RP1: variants seen among roughly 807,000 people sequenced by gnomAD.
The protein encoded by RP1 is oxygen-regulated protein 1.
A neutral mutation model predicts 14.8 loss-of-function variants in RP1; 16 were observed. The ratio of observed to expected loss-of-function variants is 1.08; its 90% CI spans 0.73 to 1.65. RP1 has a LOEUF of 1.65. Among genes scored for constraint, RP1 ranks in the 40% most tolerant of loss-of-function variants. RP1 has a pLI of 0.00. For synonymous variants in RP1, 876 were observed against 883.6 expected (o/e 0.99, Z 0.15); for missense variants, 2,631 against 2,535.0 (o/e 1.04, Z -0.81).
intron 19 of RP1, among the ~76,000 whole-genome samples, chr8:54,740,926 G>T: frequency 6.7e-6 from 1 of 149,854 alleles, no homozygotes; most frequent in East Asian, 2.0e-4. Context: ...GTCCCAGCTA[G>T]TCGGGAGGCT....
At chr8:54,778,784 C>T (rs150483459) in intron 23 of RP1, among the ~76,000 whole-genome samples, 3,391 of 152,054 alleles carry the variant, frequency 0.022, 52 homozygotes, top group Non-Finnish European at 0.035. Context: ...AAGGGAAGGT[C>T]GCTGTGTGAG....
At position 54,783,650 on chromosome 8, in the gene RP1, T is replaced by C. The variant is rs1398960049; in HGVS notation, c.3555T>C (p.Pro1185=). 3 of 1,231,236 alleles carry C rather than the reference T, an allele frequency of 2.4e-6. No individual in the cohort carries two copies. The African/African-American group carries it at 4.7e-5, about 19-fold the overall frequency. The allele number at this position is 1,231,236 out of a possible 1,614,324, so 76.3% of individuals were successfully genotyped here. Residue 1185 remains proline, a synonymous_variant, in exon 24 of 29, where the codon CCT becomes CCC. Transcript: ENST00000637698. ...ATGGAGAAACAAAATGTTCAGGTCC[T>C]ATTATTTTGGGATCTGGGAAACACC...
chr8:54,720,136 G>A, exon 16 of RP1: 1 of 1,533,552 alleles, frequency 6.5e-7, no homozygotes, highest in Non-Finnish European at 8.7e-7. Flanking sequence ...TAGGGTACAG[G>A]AGATGTTGAC....
intron 4 of RP1, chr8:54,652,750 AT>A: frequency 6.8e-7 from 1 of 1,478,844 alleles, no homozygotes; most frequent in East Asian, 2.5e-5. Flanking sequence ...GTGAAATTAC[AT>A]TGAAAGTTGT....
At chr8:54,563,310 T>C (rs189603333) in intron 1 of RP1, among the ~76,000 whole-genome samples, 1 of 152,316 alleles carries the variant, frequency 6.6e-6, no homozygotes, top group African/African-American at 2.4e-5. Context: ...CTCACTCTGT[T>C]ATGGGCTCCT....
intron 25 of RP1, among the ~76,000 whole-genome samples, chr8:54,852,219 T>A (rs1184386946): frequency 6.6e-6 from 1 of 152,136 alleles, no homozygotes; most frequent in African/African-American, 2.4e-5. Flanking sequence ...CAGCCAGACT[T>A]TAGGGGGAAA....
At chr8:54,782,253 C>T (rs1379945517) in intron 23 of RP1, among the ~76,000 whole-genome samples, 3 of 152,156 alleles carry the variant, frequency 2.0e-5, no homozygotes, top group Non-Finnish European at 4.4e-5. Context: ...TTGAGTTCTG[C>T]TGCCCCTTTG....
At chr8:54,791,361 T>G (rs1373400863) in intron 24 of RP1, among the ~76,000 whole-genome samples, 1 of 152,078 alleles carries the variant, frequency 6.6e-6, no homozygotes, top group Non-Finnish European at 1.5e-5. Context: ...CAAGTTGAAA[T>G]GAAAAGACAC....
downstream of RP1, among the ~76,000 whole-genome samples, chr8:54,772,368 A>C (rs1313169720): frequency 6.6e-6 from 1 of 151,960 alleles, no homozygotes; most frequent in Non-Finnish European, 1.5e-5. Flanking sequence ...ATATAATAAA[A>C]AATAAGTTTA....
intron 12 of RP1, among the ~76,000 whole-genome samples, chr8:54,687,958 T>A (rs1179128220): frequency 6.6e-6 from 1 of 152,172 alleles, no homozygotes; most frequent in Non-Finnish European, 1.5e-5. Context: ...TTTCTCCACA[T>A]CCCCTCCAGC....
chr8:54,677,123 G>T (rs1315140684), intron 8 of RP1, among the ~76,000 whole-genome samples: 2 of 151,256 alleles, frequency 1.3e-5, no homozygotes, highest in Non-Finnish European at 2.9e-5. Flanking sequence ...TTTGCCTGTG[G>T]CTATTCTGGT....
Position 54,826,511 on chromosome 8 carries a change from C to T in RP1, c.3616-10939C>T, listed in dbSNP as rs373654978. Reference sequence around the variant, plus strand: ...AGTTGTTTCAGTTTTTAGAGAATAACCATTATAAAGAATTTCTGTCATCAA... The same window carrying T: ...AGTTGTTTCAGTTTTTAGAGAATAATCATTATAAAGAATTTCTGTCATCAA... On this transcript the variant is annotated intron_variant, in intron 24 of 28. Coordinates refer to the RP1 transcript ENST00000637698. Among the ~76,000 whole-genome samples, 63 of 152,240 alleles carry T rather than the reference C, an allele frequency of 4.1e-4. 1 individual carries two copies. The South Asian group carries it at 0.01, about 25-fold the overall frequency.
At chr8:54,757,767 C>T (rs1809545111) in intron 21 of RP1, among the ~76,000 whole-genome samples, 1 of 152,226 alleles carries the variant, frequency 6.6e-6, no homozygotes, top group East Asian at 1.9e-4. Flanking sequence ...TGGGGCATCA[C>T]TTGCATTTGC....
chr8:54,679,165 A>G (rs1374644044), intron 9 of RP1, among the ~76,000 whole-genome samples: 1 of 152,198 alleles, frequency 6.6e-6, no homozygotes, highest in Non-Finnish European at 1.5e-5. Flanking sequence ...AGGCTGATTG[A>G]GTAACTCACC....
chr8:54,596,514 A>G (rs1389164983), intron 1 of RP1, among the ~76,000 whole-genome samples: 1 of 152,166 alleles, frequency 6.6e-6, no homozygotes, highest in African/African-American at 2.4e-5. Context: ...TAACTTTCAG[A>G]CATCACCACC....
chr8:54,778,864 A>C (rs1249259306), intron 23 of RP1, among the ~76,000 whole-genome samples: 1 of 152,100 alleles, frequency 6.6e-6, no homozygotes, highest in African/African-American at 2.4e-5. Context: ...TCAATATTAT[A>C]AAAAGAGCTA....
At chr8:54,603,547 G>T (rs1238456636) in intron 1 of RP1, among the ~76,000 whole-genome samples, 4 of 148,648 alleles carry the variant, frequency 2.7e-5, no homozygotes, top group Non-Finnish European at 6.0e-5. Flanking sequence ...ATATGAACTT[G>T]AAAGTAGTTT....
At chr8:54,828,882 C>CT (rs201534661) in intron 24 of RP1, among the ~76,000 whole-genome samples, 10,134 of 83,666 alleles carry the variant, frequency 0.12, 2,038 homozygotes, top group Middle Eastern at 0.2. Context: ...TCTTCTTCTT[C>CT]TTTTTTTTTT....
At position 54,726,471 on chromosome 8, in the gene RP1, C is replaced by T. The variant is rs975739893; in HGVS notation, c.2516C>T (p.Thr839Ile). The T allele has an allele frequency of 1.1e-5, 17 of 1,526,980 alleles. No homozygotes were observed. In the Admixed American group the frequency reaches 2.2e-4, roughly 20 times the overall value. 94.6% of individuals were successfully genotyped at this position (1,526,980 alleles called of 1,614,324 possible). Reference sequence around the variant, plus strand: ...GCTAGGAGTCCCTTACCTTCTTCAACTGCAAGTAAGCCACAGCTTTTGCTT... The same window carrying T: ...GCTAGGAGTCCCTTACCTTCTTCAATTGCAAGTAAGCCACAGCTTTTGCTT... Residue 839 changes from threonine (T) to isoleucine (I), a missense_variant, in exon 17 of 23, where the codon ACT becomes ATT. By Grantham distance (89) the Thr-to-Ile change is moderately conservative. Coordinates refer to the RP1 transcript ENST00000636932.
Sources: gnomAD v4.1 joint callset for allele counts (sites outside exome capture counted in the v4.1 genomes callset) on GRCh38, gnomAD v4.1.1 for gene constraint, MANE v1.5 for transcripts, NCBI Gene and HGNC (gene_info 2026-07-23, HGNC 2026-07-21) for gene names.